The following POU6F2 variants were observed in gnomAD, a reference collection of about 807,000 sequenced individuals.
POU6F2 encodes POU domain, class 6, transcription factor 2.
Under a neutral mutation model 71.3 loss-of-function variants are expected in POU6F2, and 31 were observed. The observed-to-expected ratio is 0.43, with a 90% CI of 0.33 to 0.59. The LOEUF is 0.59. Among genes scored for constraint, POU6F2 ranks in the 20% least tolerant of loss-of-function variants. POU6F2 has a pLI of 0.04. For synonymous variants in POU6F2, 347 were observed against 355.7 expected (o/e 0.98, Z 0.27); for missense variants, 783 against 856.8 (o/e 0.91, Z 1.07).
At chr7:38,984,165 A>T (rs930615890) in intron 1 of POU6F2, 1 of 152,112 alleles carries the variant, frequency 6.6e-6, no homozygotes, top group Admixed American at 6.6e-5. Context: ...CATGGGAAAA[A>T]GTACCCACAT....
At chr7:39,104,577 A>G (rs1791638063) in intron 2 of POU6F2, among the ~76,000 whole-genome samples, 2 of 152,258 alleles carry the variant, frequency 1.3e-5, no homozygotes, top group Admixed American at 1.3e-4. Flanking sequence ...GAGGCACTAC[A>G]TTGACTCTGG....
intron 2 of POU6F2, among the ~76,000 whole-genome samples, chr7:39,191,260 G>A (rs1419393319): frequency 6.6e-6 from 1 of 152,136 alleles, no homozygotes; most frequent in Admixed American, 6.5e-5. Context: ...TTCTTTCCTT[G>A]TGGAACAAAA....
At chr7:39,154,391 G>A (rs1792822798) in intron 2 of POU6F2, among the ~76,000 whole-genome samples, 1 of 152,162 alleles carries the variant, frequency 6.6e-6, no homozygotes, top group South Asian at 2.1e-4. Context: ...AGAATTAAAT[G>A]AGCAAATATA....
chr7:39,462,421 C>T (rs1235198015), intron 9 of POU6F2, among the ~76,000 whole-genome samples: 2 of 152,164 alleles, frequency 1.3e-5, no homozygotes, highest in Admixed American at 1.3e-4. Context: ...AGGCTGCACA[C>T]TCAGGCATCG....
intron 4 of POU6F2, among the ~76,000 whole-genome samples, chr7:39,295,994 A>G (rs1583504426): frequency 6.6e-6 from 1 of 152,192 alleles, no homozygotes; most frequent in Admixed American, 6.5e-5. Flanking sequence ...AGACCTTTGC[A>G]CCCTAATGGG....
intron 6 of POU6F2, among the ~76,000 whole-genome samples, chr7:39,411,008 A>G (rs2115914325): frequency 6.6e-6 from 1 of 152,332 alleles, no homozygotes. Context: ...TCAGGCACAT[A>G]ATCATCACTC....
chr7:39,021,112 T>G (rs1377621126), intron 1 of POU6F2, among the ~76,000 whole-genome samples: 2 of 151,914 alleles, frequency 1.3e-5, no homozygotes, highest in African/African-American at 2.4e-5. Flanking sequence ...GTTTTATTTT[T>G]ACCATTAAAA....
chr7:39,165,344 A>G (rs1252635808), intron 2 of POU6F2, among the ~76,000 whole-genome samples: 1 of 152,212 alleles, frequency 6.6e-6, no homozygotes, highest in South Asian at 2.1e-4. Flanking sequence ...CTAAAATTTG[A>G]AACGTTGAAA....
intron 1 of POU6F2, among the ~76,000 whole-genome samples, chr7:39,017,813 C>CGTATGT (rs1554308522): frequency 6.8e-6 from 1 of 147,924 alleles, no homozygotes; most frequent in Non-Finnish European, 1.5e-5. Flanking sequence ...ATTGTGCATG[C>CGTATGT]GTGTGTGTGT....
intron 2 of POU6F2, among the ~76,000 whole-genome samples, chr7:39,151,154 C>T (rs1181013079): frequency 1.3e-5 from 2 of 152,038 alleles, no homozygotes; most frequent in Non-Finnish European, 2.9e-5. Flanking sequence ...GCTTTCTTTG[C>T]TATTAAACAT....
At chr7:39,076,681 G>A (rs2128719199) in intron 1 of POU6F2, among the ~76,000 whole-genome samples, 1 of 152,210 alleles carries the variant, frequency 6.6e-6, no homozygotes, top group South Asian at 2.1e-4. Flanking sequence ...TAGATGGGAG[G>A]AGCCAATATG....
chr7:39,357,781 A>G (rs920484051), intron 5 of POU6F2, among the ~76,000 whole-genome samples: 1 of 152,236 alleles, frequency 6.6e-6, no homozygotes, highest in Admixed American at 6.5e-5. Context: ...ATGCCATGTT[A>G]TGAAAAGGTT....
rs1281835332 is a variant in POU6F2, at chr7:39,015,950, T to A, written c.105+37892T>A. Among the ~76,000 whole-genome samples the A allele has an allele frequency of 1.1e-3, 105 of 98,946 alleles. 3 individuals are homozygous for A. The highest frequency in any genetic ancestry group is 3.0e-3 in the African/African-American group (69 of 23,120). The allele number at this position is 98,946 out of a possible 152,430, so 64.9% of individuals were successfully genotyped here. ...ATATATATAATATATAGATATATAT[T>A]ATATATTGTATATTGATATATATTA... On this transcript the variant is annotated intron_variant, in intron 1 of 9. Coordinates refer to ENST00000518318, the MANE Select transcript of POU6F2 (RefSeq NM_001370959.1).
intron 4 of POU6F2, among the ~76,000 whole-genome samples, chr7:39,329,801 A>C (rs1036158161): frequency 2.0e-5 from 3 of 152,080 alleles, no homozygotes; most frequent in Non-Finnish European, 4.4e-5. Flanking sequence ...TTTGCACTCA[A>C]ATCCTTAGGT....
chr7:39,255,717 T>C (rs1784007905), intron 4 of POU6F2, among the ~76,000 whole-genome samples: 1 of 152,212 alleles, frequency 6.6e-6, no homozygotes, highest in Admixed American at 6.5e-5. Flanking sequence ...GTAACGACCC[T>C]GGGTGAGGAA....
chr7:39,200,891 G>A (rs2128744870), intron 2 of POU6F2, among the ~76,000 whole-genome samples: 1 of 151,656 alleles, frequency 6.6e-6, no homozygotes, highest in East Asian at 1.9e-4. Flanking sequence ...GCTGGGTGTA[G>A]TGGCTCGCTC....
At chr7:39,185,222 G>C (rs529402387) in intron 2 of POU6F2, among the ~76,000 whole-genome samples, 1 of 152,022 alleles carries the variant, frequency 6.6e-6, no homozygotes, top group Non-Finnish European at 1.5e-5. Context: ...ATGGGGGAGG[G>C]GGGTGAAGGA....
chr7:39,119,492 G>A (rs1791999003), intron 2 of POU6F2, among the ~76,000 whole-genome samples: 1 of 152,138 alleles, frequency 6.6e-6, no homozygotes, highest in South Asian at 2.1e-4. Flanking sequence ...TGGAAGGATG[G>A]TTGGAAGAGG....
intron 1 of POU6F2, among the ~76,000 whole-genome samples, chr7:38,998,792 GGC>G (rs1356805595): frequency 6.6e-6 from 1 of 150,630 alleles, no homozygotes; most frequent in East Asian, 1.9e-4. Context: ...TGGGACTACA[GGC>G]GCCTGCCACC....
Sources: allele counts gnomAD v4.1 joint callset (sites outside exome capture counted in the v4.1 genomes callset), GRCh38; gene constraint gnomAD v4.1.1; transcripts MANE v1.5; gene names NCBI Gene and HGNC (gene_info 2026-07-23, HGNC 2026-07-21).